The following SPMIP2 variants were observed in gnomAD, a reference collection of about 807,000 sequenced individuals.
The protein encoded by SPMIP2 is protein SPMIP2.
chr4:158,927,626 C>G, the SPMIP2 span, among the ~76,000 whole-genome samples: 2 of 152,320 alleles, frequency 1.3e-5, no homozygotes, highest in Admixed American at 1.3e-4. Context: ...TTCAGCCCAC[C>G]GCTGCACTGT....
At chr4:159,054,996 G>T in the SPMIP2 span, among the ~76,000 whole-genome samples, 2 of 152,196 alleles carry the variant, frequency 1.3e-5, no homozygotes, top group Non-Finnish European at 2.9e-5. Flanking sequence ...AAGGAAGTCT[G>T]CATGACTTAT....
At chr4:158,930,364 G>A in the SPMIP2 span, among the ~76,000 whole-genome samples, 44 of 152,062 alleles carry the variant, frequency 2.9e-4, no homozygotes, top group South Asian at 8.1e-3. Context: ...AGGTGCACAC[G>A]ACTTTGCCTA....
the SPMIP2 span, among the ~76,000 whole-genome samples, chr4:158,920,511 A>G: frequency 6.6e-6 from 1 of 152,144 alleles, no homozygotes; most frequent in South Asian, 2.1e-4. Context: ...AGATCTATAA[A>G]CGGCCACTCT....
chr4:158,923,074 T>C, the SPMIP2 span, among the ~76,000 whole-genome samples: 7 of 152,228 alleles, frequency 4.6e-5, no homozygotes, highest in Non-Finnish European at 1.0e-4. Flanking sequence ...TGACCATAAA[T>C]GTAAGAGTTT....
chr4:158,967,531 T>TA, the SPMIP2 span, among the ~76,000 whole-genome samples: 1 of 152,228 alleles, frequency 6.6e-6, no homozygotes, highest in East Asian at 1.9e-4. Context: ...AAGACATGCC[T>TA]AATTTTAGAA....
chr4:159,045,209 G>C, the SPMIP2 span, among the ~76,000 whole-genome samples: 3 of 151,998 alleles, frequency 2.0e-5, no homozygotes, highest in African/African-American at 7.3e-5. Context: ...TAAAATGGTA[G>C]GCCAAAGATA....
the SPMIP2 span, among the ~76,000 whole-genome samples, chr4:159,056,409 AT>A: frequency 6.6e-6 from 1 of 152,210 alleles, no homozygotes; most frequent in East Asian, 1.9e-4. Flanking sequence ...GTCAGTGCAT[AT>A]AAAATATAAA....
chr4:158,909,746 T>TA, the SPMIP2 span, among the ~76,000 whole-genome samples: 2 of 151,502 alleles, frequency 1.3e-5, no homozygotes, highest in Admixed American at 6.6e-5. Flanking sequence ...GCTAATTTTT[T>TA]TAAAAAAAAT....
the SPMIP2 span, among the ~76,000 whole-genome samples, chr4:158,959,204 T>A: frequency 6.6e-6 from 1 of 152,246 alleles, no homozygotes; most frequent in Non-Finnish European, 1.5e-5. Flanking sequence ...CACATTTTCA[T>A]GCTTTTACCA....
At chr4:159,029,381 G>T in the SPMIP2 span, among the ~76,000 whole-genome samples, 1 of 152,072 alleles carries the variant, frequency 6.6e-6, no homozygotes, top group Non-Finnish European at 1.5e-5. Flanking sequence ...ATACATAAAG[G>T]TGCTCACTTT....
At chr4:158,920,981 G>A in the SPMIP2 span, among the ~76,000 whole-genome samples, 3 of 152,324 alleles carry the variant, frequency 2.0e-5, no homozygotes, top group East Asian at 3.9e-4. Context: ...CACCCCTGGC[G>A]ACCCAGCTGT....
the SPMIP2 span, among the ~76,000 whole-genome samples, chr4:159,030,392 G>C: frequency 6.6e-6 from 1 of 151,926 alleles, no homozygotes; most frequent in Non-Finnish European, 1.5e-5. Flanking sequence ...TAGCCTGGGT[G>C]ACAGAGTGAG....
chr4:159,082,778 T>C, the SPMIP2 span, among the ~76,000 whole-genome samples: 1 of 152,336 alleles, frequency 6.6e-6, no homozygotes, highest in Non-Finnish European at 1.5e-5. Flanking sequence ...ACCTATTTCC[T>C]ATGTTTGAAA....
the SPMIP2 span, among the ~76,000 whole-genome samples, chr4:159,024,819 A>T: frequency 2.6e-5 from 4 of 152,210 alleles, no homozygotes. Flanking sequence ...CAGGATAATG[A>T]TTAGCATCAC....
At chr4:158,962,780 C>T in the SPMIP2 span, among the ~76,000 whole-genome samples, 1 of 152,058 alleles carries the variant, frequency 6.6e-6, no homozygotes, top group Non-Finnish European at 1.5e-5. Flanking sequence ...ATTTTACATT[C>T]AGAGCATGAG....
chr4:159,050,114 T>A, the SPMIP2 span, among the ~76,000 whole-genome samples: 1 of 152,046 alleles, frequency 6.6e-6, no homozygotes. Context: ...GCCATGAAAA[T>A]AAAGTGAATG....
the SPMIP2 span, among the ~76,000 whole-genome samples, chr4:158,940,657 T>C: frequency 6.6e-6 from 1 of 152,118 alleles, no homozygotes; most frequent in Non-Finnish European, 1.5e-5. Context: ...GTGGAATTAA[T>C]GTTTCTTTCC....
the SPMIP2 span, among the ~76,000 whole-genome samples, chr4:158,947,050 TGAG>T: frequency 6.6e-6 from 1 of 151,940 alleles, no homozygotes; most frequent in Non-Finnish European, 1.5e-5. Context: ...GAAGGAGAGC[TGAG>T]GGAGGGAGGA....
chr4:158,968,453 A>G, the SPMIP2 span, among the ~76,000 whole-genome samples: 4 of 149,190 alleles, frequency 2.7e-5, no homozygotes, highest in South Asian at 8.7e-4. Context: ...TAAAGCAAGT[A>G]GGTTTGACCC....
Sources: allele counts gnomAD v4.1 joint callset (sites outside exome capture counted in the v4.1 genomes callset), GRCh38; gene constraint gnomAD v4.1.1; transcripts MANE v1.5; gene names NCBI Gene and HGNC (gene_info 2026-07-23, HGNC 2026-07-21).